SLC38A10: variants seen among roughly 807,000 people sequenced by gnomAD.
SLC38A10 encodes the protein solute carrier family 38 member 10, also known as Sodium-coupled neutral amino acid transporter 10.
A neutral mutation model predicts 81.0 loss-of-function variants in SLC38A10; 53 were observed. That is an observed-to-expected ratio of 0.65 (90% CI 0.53 to 0.82). SLC38A10 has a LOEUF of 0.82. SLC38A10 is among the 40% of genes least tolerant of loss of function. SLC38A10 has a pLI of 0.00. For synonymous variants in SLC38A10, 665 were observed against 655.3 expected, an observed-to-expected ratio of 1.01 and a Z score of -0.23; for missense variants, 1,471 against 1,545.0, an observed-to-expected ratio of 0.95 and a Z score of 0.80.
In SLC38A10 at chr17:81,272,000, T is replaced by C. The variant is rs1400112310; in HGVS notation, c.1024+516A>G. 2.0e-5 allele frequency among the ~76,000 whole-genome samples: 3 copies of C among 152,208 alleles called. No homozygotes were observed. The East Asian group carries it at 5.8e-4, about 29-fold the overall frequency. ...CCTCGGCCTCCCAAACTGCGGGGAT[T>C]ACAGGCGTGAGCCACTGCGCCCAGC... On this transcript the variant is annotated intron_variant, in intron 9 of 15. Transcript: ENST00000374759.
chr17:81,283,454 G>C lies in SLC38A10; in HGVS notation c.312C>G (p.Ile104Met), dbSNP rs753499052. 3 of 1,612,368 alleles carry C rather than the reference G, an allele frequency of 1.9e-6. No homozygotes were observed. The highest frequency in any genetic ancestry group is 3.3e-5 in the Admixed American group (2 of 59,856). The change falls in exon 4 of 16, where the codon ATC becomes ATG. Residue 104 changes from isoleucine (I) to methionine (M), a missense_variant. Ile to Met is a conservative substitution (Grantham distance 10). This residue lies in a region of SLC38A10 where 720 missense variants were observed against 827.7 expected (regional missense o/e 0.87). Transcript: ENST00000374759. The surrounding 1 kb of genome is among the most constrained non-coding windows in gnomAD (Gnocchi z 4.7). The part of the protein sequence containing the change: ...LGTCIAFYVV[I>M]GDLGSNFFAR... ...CAAAGAAGTTGGACCCCAAGTCGCC[G>C]ATCACGACGTAGAAGGCGATGCAGG...
At position 81,252,511 on chromosome 17, in the gene SLC38A10, G is replaced by A. The variant is rs115820522; in HGVS notation, c.1629C>T (p.Pro543=). The change falls in exon 13 of 16, where the codon CCC becomes CCT. Residue 543 remains proline (P), a synonymous_variant. Coordinates refer to ENST00000374759, the MANE Select transcript of SLC38A10 (RefSeq NM_001037984.3). ...GVQGQMAPPL[P]DSEREKQEPE... is the part of the protein sequence containing the mutation. ...GCTCTTGTTTCTCTCTTTCTGAGTC[G>A]GGCAGAGGCGGCGCCATCTGGCCCT... The A allele has an allele frequency of 2.1e-4, 335 of 1,613,300 alleles. No individual in the cohort carries two copies. The African/African-American group carries it at 4.0e-3, about 19-fold the overall frequency.
Position 81,288,379 on chromosome 17 carries a change from G to C in SLC38A10, c.217+1312C>G, listed in dbSNP as rs541552799. Among the ~76,000 whole-genome samples the C allele has an allele frequency of 2.6e-5, 4 of 152,306 alleles. No individual in the cohort carries two copies. The East Asian group carries it at 5.8e-4, about 22-fold the overall frequency. ...CTAACATCCCAGCCGCACACTGGCT[G>C]GAAGGTCCAGAGCCTTCATCACAAG... is the stretch of plus-strand genomic sequence containing the variant. On this transcript the variant is annotated intron_variant, in intron 2 of 15. Coordinates refer to ENST00000374759, the MANE Select transcript of SLC38A10 (RefSeq NM_001037984.3). The surrounding 1 kb of genome is among the most constrained non-coding windows in gnomAD (Gnocchi z 5.4).
At chr17:81,255,185 G>C (rs1263601637) in intron 11 of SLC38A10, among the ~76,000 whole-genome samples, 4 of 152,246 alleles carry the variant, frequency 2.6e-5, no homozygotes, top group Admixed American at 2.0e-4. Context: ...TGGATTGCAC[G>C]GGCACCTGCA....
chr17:81,277,216 GC>G lies in SLC38A10; in HGVS notation c.627-84del. 8.2e-7 allele frequency: 1 copy of G among 1,217,240 alleles called. No individual in the cohort carries two copies. The highest frequency in any genetic ancestry group is 1.2e-6 in the Non-Finnish European group (1 of 833,888). 75.4% of individuals were successfully genotyped at this position (1,217,240 alleles called of 1,614,324 possible). A position where few individuals can be genotyped will look rare whatever the true frequency, so the allele number is the denominator to read the frequency against. ...GCTCCACTTCTAGGACCTCTCTGCAGCCCAGTGAGAGTCTCTGACCTTCCTT... is the reference window on the plus strand; with the variant it reads ...GCTCCACTTCTAGGACCTCTCTGCAGCCAGTGAGAGTCTCTGACCTTCCTT... On this transcript the variant is annotated intron_variant, in intron 6 of 15. Coordinates refer to ENST00000374759, the MANE Select transcript of SLC38A10 (RefSeq NM_001037984.3). This position sits in a 1 kb window ranked among gnomAD's most constrained non-coding sequence, Gnocchi z 4.5.
Position 81,295,066 on chromosome 17 carries a change from G to C in SLC38A10, c.-145C>G, listed in dbSNP as rs968902405. On this transcript the variant is annotated 5_prime_UTR_variant, in exon 1 of 16. Coordinates refer to ENST00000374759, the MANE Select transcript of SLC38A10 (RefSeq NM_001037984.3). ...GGGGATGGGCAGCCTGAACACGGGA[G>C]CCTGAGCAGGCGCGGGCGCGGGCCC... 319 of 1,291,094 alleles carry C rather than the reference G, an allele frequency of 2.5e-4. No homozygotes were observed. Among genetic ancestry groups the C allele is most frequent in the Non-Finnish European group, 3.0e-4 (306 of 1,015,380 alleles). 80.0% of individuals were successfully genotyped at this position (1,291,094 alleles called of 1,614,324 possible). A position where few individuals can be genotyped will look rare whatever the true frequency, so the allele number is the denominator to read the frequency against.
intron 8 of SLC38A10, among the ~76,000 whole-genome samples, chr17:81,273,563 G>A (rs528007822): frequency 1.3e-5 from 2 of 152,194 alleles, no homozygotes; most frequent in African/African-American, 2.4e-5. Context: ...TTTGAAGCAT[G>A]CCATTTTCAG....
intron 14 of SLC38A10, chr17:81,250,948 G>T (rs561783472): frequency 7.9e-7 from 1 of 1,269,774 alleles, no homozygotes; most frequent in African/African-American, 1.5e-5. Flanking sequence ...ACAGGTGACA[G>T]ATCCCTGTAG....
rs1367779844 is a variant in SLC38A10, at chr17:81,294,838, G to A, written c.84C>T (p.Pro28=). The part of the protein sequence containing the change: ...SIVGVSVLTM[P]FCFKQCGIVL... ...CCGGACTCACCTGTTTGAAGCAGAAGGGCATGGTGAGGACACTGACCCCTA... is the reference window on the plus strand; with the variant it reads ...CCGGACTCACCTGTTTGAAGCAGAAAGGCATGGTGAGGACACTGACCCCTA... The change falls in exon 1 of 16, where the codon CCC becomes CCT. Residue 28 remains proline (P), a synonymous_variant. Transcript: ENST00000374759. The A allele has an allele frequency of 2.5e-6, 4 of 1,592,210 alleles. No individual in the cohort carries two copies. The East Asian group carries it at 7.2e-5, about 29-fold the overall frequency.
In SLC38A10 at chr17:81,252,502, T is replaced by C; in HGVS notation, c.1638A>G (p.Glu546=). 3.7e-6 allele frequency: 6 copies of C among 1,613,340 alleles called. No homozygotes were observed. Among genetic ancestry groups the C allele is most frequent in the Non-Finnish European group, 5.1e-6 (6 of 1,179,928 alleles). The stretch of plus-strand genomic sequence containing the variant: ...CCTGCTCCGGCTCTTGTTTCTCTCT[T>C]TCTGAGTCGGGCAGAGGCGGCGCCA... The part of the protein sequence containing the change: ...GQMAPPLPDS[E]REKQEPEQGE... Residue 546 remains glutamate, a synonymous_variant, in exon 13 of 16, where the codon GAA becomes GAG. Coordinates refer to ENST00000374759, the MANE Select transcript of SLC38A10 (RefSeq NM_001037984.3).
intron 10 of SLC38A10, among the ~76,000 whole-genome samples, chr17:81,266,813 A>G (rs1186236639): frequency 1.3e-5 from 2 of 152,216 alleles, no homozygotes; most frequent in Non-Finnish European, 2.9e-5. Context: ...CATCAGCTAC[A>G]GTGTAAAGAC....
At position 81,282,443 on chromosome 17, in the gene SLC38A10, A is replaced by G. The variant is rs1340906422; in HGVS notation, c.358-111T>C. ...CCGAGCCCGAAAGCCGACGGCATCCAGGTGAATGACGCCGGCGGGTCTGAG... is the reference window on the plus strand; with the variant it reads ...CCGAGCCCGAAAGCCGACGGCATCCGGGTGAATGACGCCGGCGGGTCTGAG... On this transcript the variant is annotated intron_variant, in intron 4 of 15. Coordinates refer to ENST00000374759, the MANE Select transcript of SLC38A10 (RefSeq NM_001037984.3). The G allele has an allele frequency of 1.7e-5, 25 of 1,439,118 alleles. No homozygotes were observed. The Admixed American group carries it at 4.4e-4, about 25-fold the overall frequency. The allele number at this position is 1,439,118 out of a possible 1,614,324, so 89.1% of individuals were successfully genotyped here. A position where few individuals can be genotyped will look rare whatever the true frequency, so the allele number is the denominator to read the frequency against.
At chr17:81,249,997 C>T in intron 14 of SLC38A10, 1 of 1,256,274 alleles carries the variant, frequency 8.0e-7, no homozygotes, top group Non-Finnish European at 1.0e-6. Flanking sequence ...AGGTGTGCCA[C>T]CGAGGGGCTG....
rs745404424 is a variant in SLC38A10 at position 81,276,986 on chromosome 17, T to G, written c.729+45A>C. ...TCCCACGGGGCACCACGGCACATCA[T>G]GCTGGCATGACACAGGGGCGGAGAG... On this transcript the variant is annotated intron_variant, in intron 7 of 15. Transcript: ENST00000374759. This position sits in a 1 kb window ranked among gnomAD's most constrained non-coding sequence, Gnocchi z 4.7. 1.9e-6 allele frequency: 3 copies of G among 1,587,378 alleles called. No individual in the cohort carries two copies. The highest frequency in any genetic ancestry group is 4.5e-5 in the East Asian group (2 of 44,634).
At chr17:81,293,478 G>T (rs1209082021) in intron 1 of SLC38A10, among the ~76,000 whole-genome samples, 2 of 148,986 alleles carry the variant, frequency 1.3e-5, no homozygotes, top group Non-Finnish European at 1.5e-5. Flanking sequence ...AAAAAAAGTT[G>T]TTTTTTTTTT....
intron 10 of SLC38A10, chr17:81,263,620 C>T (rs1053119450): frequency 2.0e-5 from 3 of 152,394 alleles, no homozygotes; most frequent in African/African-American, 7.2e-5. Flanking sequence ...GCCTTGAGCA[C>T]AAGCAGCCGC....
rs370103419 is a variant in SLC38A10, at chr17:81,245,976, G to A, written c.2940C>T (p.Gly980=). The change falls in exon 16 of 16, where the codon GGC becomes GGT. Residue 980 remains glycine, a synonymous_variant. Transcript: ENST00000374759. ...GGGCCTTTCTCATCTCCAGGTGACC[G>A]CCATGGTCCAGCCGGTGGCCCTGCT... ...GGQQGHRLDH[G]GHLEMRKARG... 682 of 1,603,260 alleles carry A rather than the reference G, an allele frequency of 4.3e-4. 1 individual carries two copies. The highest frequency in any genetic ancestry group is 5.5e-4 in the Non-Finnish European group (648 of 1,174,166).
chr17:81,294,891 G>T lies in SLC38A10; in HGVS notation c.31C>A (p.Leu11Met). MTAAAASNWG[L>M]ITNIVNSIVG... Reference sequence around the variant, plus strand: ...ATGCTGTTCACGATGTTCGTGATCAGCCCCCAGTTGGAGGCGGCGGCCGCG... The same window carrying T: ...ATGCTGTTCACGATGTTCGTGATCATCCCCCAGTTGGAGGCGGCGGCCGCG... Residue 11 changes from leucine (L) to methionine (M), a missense_variant, in exon 1 of 16, where the codon CTG (leucine) becomes ATG (methionine). By Grantham distance (15) the Leu-to-Met change is conservative. Coordinates refer to ENST00000374759, the MANE Select transcript of SLC38A10 (RefSeq NM_001037984.3). The T allele has an allele frequency of 6.3e-7, 1 of 1,593,716 alleles. No homozygotes were observed. Among genetic ancestry groups the T allele is most frequent in the Non-Finnish European group, 8.5e-7 (1 of 1,171,606 alleles).
chr17:81,292,833 C>T (rs1412943232), intron 1 of SLC38A10, among the ~76,000 whole-genome samples: 2 of 152,138 alleles, frequency 1.3e-5, no homozygotes, highest in South Asian at 2.1e-4. Flanking sequence ...GGCACTTCAC[C>T]GACAGGCATC....
Sources: allele counts gnomAD v4.1 joint callset (sites outside exome capture counted in the v4.1 genomes callset), GRCh38; gene constraint gnomAD v4.1.1; regional missense constraint gnomAD v4.1.1; non-coding constraint Gnocchi (gnomAD v3.1); transcripts MANE v1.5; gene names NCBI Gene and HGNC (gene_info 2026-07-23, HGNC 2026-07-21).